CLIC5: variants seen among roughly 807,000 people sequenced by gnomAD.
The protein encoded by CLIC5 is chloride intracellular channel protein 5.
Under a neutral mutation model 24.7 loss-of-function variants are expected in CLIC5, and 20 were observed. The ratio of observed to expected loss-of-function variants is 0.81; its 90% CI spans 0.57 to 1.18. The LOEUF (loss-of-function observed/expected upper bound fraction) is 1.18. CLIC5 is among the 50% of genes most tolerant of loss of function. CLIC5 has a pLI of 0.00. For synonymous variants in CLIC5, 159 were observed against 135.6 expected (o/e 1.17, Z -1.20); for missense variants, 341 against 326.1 (o/e 1.05, Z -0.35).
At chr6:45,909,586 A>G (rs1379636768) in intron 5 of CLIC5, among the ~76,000 whole-genome samples, 2 of 152,308 alleles carry the variant, frequency 1.3e-5, no homozygotes, top group Non-Finnish European at 2.9e-5. Context: ...TTTCTTTAAG[A>G]ATGCTGAAAA....
At chr6:46,011,414 A>C (rs1226434011) in intron 1 of CLIC5, among the ~76,000 whole-genome samples, 1 of 152,242 alleles carries the variant, frequency 6.6e-6, no homozygotes, top group Non-Finnish European at 1.5e-5. Flanking sequence ...CCAGGGCTGC[A>C]CGCTGGAGCC....
intron 1 of CLIC5, among the ~76,000 whole-genome samples, chr6:45,973,153 A>T (rs912856740): frequency 1.3e-5 from 2 of 152,186 alleles, no homozygotes; most frequent in Admixed American, 6.5e-5. Flanking sequence ...TTCATCTCGA[A>T]CAGGCCCCAT....
At chr6:45,999,364 G>T (rs2127431423) in intron 1 of CLIC5, among the ~76,000 whole-genome samples, 1 of 152,260 alleles carries the variant, frequency 6.6e-6, no homozygotes, top group East Asian at 1.9e-4. Context: ...ATCATTTGCT[G>T]GGTATATGGT....
intron 1 of CLIC5, among the ~76,000 whole-genome samples, chr6:45,996,378 T>G (rs544297775): frequency 6.6e-6 from 1 of 152,120 alleles, no homozygotes; most frequent in Non-Finnish European, 1.5e-5. Flanking sequence ...ATTTTGTCTT[T>G]TGTTGCCATT....
intron 1 of CLIC5, among the ~76,000 whole-genome samples, chr6:45,960,327 G>A (rs1234883605): frequency 6.6e-6 from 1 of 152,230 alleles, no homozygotes; most frequent in Non-Finnish European, 1.5e-5. Flanking sequence ...AGATGAGTCA[G>A]TTATCAATTT....
intron 1 of CLIC5, among the ~76,000 whole-genome samples, chr6:46,001,851 A>G (rs1766371630): frequency 6.6e-6 from 1 of 152,208 alleles, no homozygotes; most frequent in African/African-American, 2.4e-5. Flanking sequence ...GGGATACTGG[A>G]TTAAACAGAG....
the CLIC5 span, among the ~76,000 whole-genome samples, chr6:46,114,036 T>C: frequency 1.3e-5 from 2 of 152,162 alleles, no homozygotes; most frequent in Admixed American, 6.5e-5. Context: ...GAGAGCTTTA[T>C]TGAAGGGAAA....
chr6:46,012,102 C>T (rs565419833), intron 1 of CLIC5, among the ~76,000 whole-genome samples: 2 of 152,364 alleles, frequency 1.3e-5, no homozygotes, highest in South Asian at 4.1e-4. Flanking sequence ...TCCTTATTTG[C>T]TCCCAAACTA....
chr6:45,938,827 C>T (rs1764028458), intron 4 of CLIC5, among the ~76,000 whole-genome samples: 1 of 152,064 alleles, frequency 6.6e-6, no homozygotes, highest in African/African-American at 2.4e-5. Flanking sequence ...ATATTTGTGG[C>T]TAAGAGGAAA....
chr6:45,963,868 T>C lies in CLIC5; in HGVS notation c.64-8624A>G, dbSNP rs1330841014. ...CTTATAAGTCAGACAATATGCCTTG[T>C]TATTACTATTTTTCAAAACTAAATG... is the stretch of plus-strand genomic sequence containing the variant. On this transcript the variant is annotated intron_variant, in intron 1 of 5. Transcript: ENST00000339561. 2.0e-5 allele frequency among the ~76,000 whole-genome samples: 3 copies of C among 152,176 alleles called. No individual in the cohort carries two copies. In the East Asian group the frequency reaches 5.8e-4, roughly 29 times the overall value.
At chr6:46,003,733 A>G (rs868084103) in intron 1 of CLIC5, among the ~76,000 whole-genome samples, 4 of 152,172 alleles carry the variant, frequency 2.6e-5, no homozygotes, top group African/African-American at 9.7e-5. Context: ...CACCTGCAGC[A>G]CTTGTTAAAT....
At chr6:45,973,757 T>C (rs1268965389) in intron 1 of CLIC5, among the ~76,000 whole-genome samples, 1 of 152,010 alleles carries the variant, frequency 6.6e-6, no homozygotes, top group Non-Finnish European at 1.5e-5. Context: ...GACAACATGG[T>C]TAAACCCCAT....
chr6:45,940,611 G>A (rs1210004860), intron 4 of CLIC5, among the ~76,000 whole-genome samples: 1 of 152,194 alleles, frequency 6.6e-6, no homozygotes, highest in Non-Finnish European at 1.5e-5. Flanking sequence ...TCAGTCACTT[G>A]TTCATTCACA....
At chr6:46,000,340 T>A (rs1766309548) in intron 1 of CLIC5, among the ~76,000 whole-genome samples, 1 of 152,160 alleles carries the variant, frequency 6.6e-6, no homozygotes, top group Admixed American at 6.5e-5. Context: ...AATAAGATGA[T>A]GGTGCACATG....
chr6:46,022,332 A>G (rs1381307164), intron 1 of CLIC5, among the ~76,000 whole-genome samples: 1 of 152,206 alleles, frequency 6.6e-6, no homozygotes, highest in Non-Finnish European at 1.5e-5. Context: ...TACTCAGTTG[A>G]GCCCACTCAC....
In CLIC5 at chr6:46,066,880, G is replaced by A. The variant is rs984604855; in HGVS notation, c.540+12823C>T. Among the ~76,000 whole-genome samples, 12 of 152,174 alleles carry A rather than the reference G, an allele frequency of 7.9e-5. 1 individual carries two copies. Among genetic ancestry groups the A allele is most frequent in the African/African-American group, 2.9e-4 (12 of 41,444 alleles). Reference sequence around the variant, plus strand: ...GAAGGTGTTGTAGGCAGAGGTATCAGCATGGGCAAAGCTGGATGGAGCAGA... The same window carrying A: ...GAAGGTGTTGTAGGCAGAGGTATCAACATGGGCAAAGCTGGATGGAGCAGA... On this transcript the variant is annotated intron_variant, in intron 1 of 5. Coordinates refer to the CLIC5 transcript ENST00000185206.
chr6:45,951,869 A>C (rs968322713), intron 2 of CLIC5, among the ~76,000 whole-genome samples: 1 of 151,986 alleles, frequency 6.6e-6, no homozygotes, highest in African/African-American at 2.4e-5. Context: ...TTACTGTGCT[A>C]CTCCCATGTC....
At chr6:46,033,340 A>G (rs1283689111) in intron 1 of CLIC5, among the ~76,000 whole-genome samples, 1 of 151,880 alleles carries the variant, frequency 6.6e-6, no homozygotes, top group Non-Finnish European at 1.5e-5. Flanking sequence ...TTCTTTATTA[A>G]AGTATTATAA....
Position 45,903,143 on chromosome 6 carries a change from T to G in CLIC5, c.701A>C (p.Asp234Ala). ...AGCGTAGGCCAACTCGATCTCACTG[T>G]CAGCTGCACAGGTGTTGGTGAACTC... ...RDEFTNTCAA[D>A]SEIELAYADV... is the part of the protein sequence containing the mutation. Residue 234 changes from aspartate to alanine, a missense_variant, in exon 6 of 6, where the codon GAC (aspartate) becomes GCC (alanine). Physicochemically the swap from Asp to Ala is moderately radical, Grantham distance 126 (BLOSUM62 -2). Coordinates refer to ENST00000339561, the MANE Select transcript of CLIC5 (RefSeq NM_016929.5). The G allele has an allele frequency of 1.9e-6, 3 of 1,614,212 alleles. No individual in the cohort carries two copies. The highest frequency in any genetic ancestry group is 2.5e-6 in the Non-Finnish European group (3 of 1,180,032).
Sources: gnomAD v4.1 joint callset for allele counts (sites outside exome capture counted in the v4.1 genomes callset) on GRCh38, gnomAD v4.1.1 for gene constraint, MANE v1.5 for transcripts, NCBI Gene and HGNC (gene_info 2026-07-23, HGNC 2026-07-21) for gene names.